The following NRXN3 variants were observed in gnomAD, a reference collection of about 807,000 sequenced individuals.
NRXN3 encodes neurexin III.
In NRXN3, 32 loss-of-function variants were observed where a neutral mutation model predicts 137.6. The observed-to-expected ratio is 0.23, with a 90% CI of 0.18 to 0.31. The LOEUF is 0.31. Ranked by LOEUF, NRXN3 falls within the 10% of genes least tolerant of loss-of-function variation. The pLI is 1.00. For missense variants in NRXN3, 1,574 were observed against 2,062.5 expected (o/e 0.76, Z 4.59); for synonymous variants, 798 against 784.5 (o/e 1.02, Z -0.29).
At chr14:79,383,372 T>C (rs1330863069) in intron 15 of NRXN3, among the ~76,000 whole-genome samples, 1 of 152,176 alleles carries the variant, frequency 6.6e-6, no homozygotes, top group Non-Finnish European at 1.5e-5. Flanking sequence ...CACCCTCTTC[T>C]TTCTCTTGGA....
chr14:79,511,677 C>T (rs1195228739), intron 16 of NRXN3, among the ~76,000 whole-genome samples: 2 of 152,144 alleles, frequency 1.3e-5, no homozygotes, highest in African/African-American at 2.4e-5. Context: ...TAAACCTGCT[C>T]CATCAACCCA....
intron 4 of NRXN3, among the ~76,000 whole-genome samples, chr14:78,360,233 A>G (rs1384644388): frequency 6.6e-6 from 1 of 152,118 alleles, no homozygotes; most frequent in African/African-American, 2.4e-5. Context: ...ACCTTCTTAA[A>G]GATGCAAGTT....
At chr14:79,160,480 A>G (rs1000034883) in intron 15 of NRXN3, among the ~76,000 whole-genome samples, 4 of 151,918 alleles carry the variant, frequency 2.6e-5, no homozygotes, top group Non-Finnish European at 4.4e-5. Flanking sequence ...GAACTACAAC[A>G]CATTCTCTCA....
At position 78,318,137 on chromosome 14, in the gene NRXN3, A is replaced by G. The variant is rs111936971; in HGVS notation, c.757+20277A>G. Among the ~76,000 whole-genome samples the G allele has an allele frequency of 8.2e-3, 1,256 of 152,294 alleles. 17 individuals carry two copies. The highest frequency in any genetic ancestry group is 0.024 in the Middle Eastern group (7 of 294). ...CTGGCTGTGAAATCATCCTATTTCCATGAGAAGGGGATGTCAAAGAGGGAG... is the reference window on the plus strand; with the variant it reads ...CTGGCTGTGAAATCATCCTATTTCCGTGAGAAGGGGATGTCAAAGAGGGAG... On this transcript the variant is annotated intron_variant, in intron 4 of 20. Coordinates refer to ENST00000335750, the MANE Select transcript of NRXN3 (RefSeq NM_001330195.2).
At chr14:78,690,048 C>T (rs1383447182) in intron 6 of NRXN3, among the ~76,000 whole-genome samples, 2 of 152,130 alleles carry the variant, frequency 1.3e-5, no homozygotes, top group East Asian at 1.9e-4. Context: ...AAAACCCAGT[C>T]GTTCCTTAGG....
At chr14:79,719,333 A>G (rs955614609) in intron 19 of NRXN3, among the ~76,000 whole-genome samples, 21 of 125,342 alleles carry the variant, frequency 1.7e-4, no homozygotes, top group Non-Finnish European at 3.3e-4. Flanking sequence ...GTGTGTATAT[A>G]TATGTATATA....
intron 15 of NRXN3, among the ~76,000 whole-genome samples, chr14:79,011,861 T>C (rs1342170881): frequency 6.6e-6 from 1 of 152,180 alleles, no homozygotes; most frequent in African/African-American, 2.4e-5. Flanking sequence ...GTTTTAAACA[T>C]GTTTACATCA....
chr14:79,169,837 C>G (rs1370605474), intron 15 of NRXN3, among the ~76,000 whole-genome samples: 1 of 152,040 alleles, frequency 6.6e-6, no homozygotes, highest in East Asian at 1.9e-4. Context: ...GGAAGACACA[C>G]CAGTGGGAGG....
chr14:79,761,078 T>G (rs2099036746), intron 19 of NRXN3, among the ~76,000 whole-genome samples: 1 of 151,640 alleles, frequency 6.6e-6, no homozygotes, highest in Non-Finnish European at 1.5e-5. Flanking sequence ...CCAAGAGAGA[T>G]CCCGCCCTCT....
intron 15 of NRXN3, among the ~76,000 whole-genome samples, chr14:79,163,656 C>T (rs1367367151): frequency 6.6e-6 from 1 of 151,816 alleles, no homozygotes; most frequent in African/African-American, 2.4e-5. Context: ...ATTTAGTAAG[C>T]AAATGTCCCC....
intron 4 of NRXN3, among the ~76,000 whole-genome samples, chr14:78,471,474 C>A (rs1171097814): frequency 6.6e-6 from 1 of 152,154 alleles, no homozygotes; most frequent in Admixed American, 6.5e-5. Flanking sequence ...CTTGGTCTAA[C>A]CTATTGTGGC....
intron 8 of NRXN3, among the ~76,000 whole-genome samples, chr14:78,803,058 A>C (rs1281408524): frequency 2.6e-5 from 4 of 152,232 alleles, no homozygotes; most frequent in Admixed American, 2.6e-4. Flanking sequence ...CTCTGCCTCT[A>C]TCAGATATTC....
chr14:78,926,864 A>T (rs1469608713), intron 10 of NRXN3, among the ~76,000 whole-genome samples: 256 of 19,198 alleles, frequency 0.013, 16 homozygotes, highest in Middle Eastern at 0.05. Context: ...TATATATAAT[A>T]TATATATAAT....
chr14:78,459,749 T>C (rs1384263030), intron 4 of NRXN3, among the ~76,000 whole-genome samples: 1 of 152,220 alleles, frequency 6.6e-6, no homozygotes, highest in Non-Finnish European at 1.5e-5. Flanking sequence ...TCGTACTATA[T>C]ATTCACAACA....
intron 15 of NRXN3, among the ~76,000 whole-genome samples, chr14:79,253,470 C>T (rs2076198173): frequency 6.6e-6 from 1 of 152,180 alleles, no homozygotes; most frequent in Admixed American, 6.5e-5. Flanking sequence ...TAGGGAGGGA[C>T]ATCCTAGAGG....
intron 10 of NRXN3, among the ~76,000 whole-genome samples, chr14:78,815,090 G>C (rs530579705): frequency 7.2e-5 from 11 of 152,204 alleles, no homozygotes; most frequent in African/African-American, 2.4e-4. Flanking sequence ...TTGTGAGTTT[G>C]TGTATAAGCC....
intron 8 of NRXN3, among the ~76,000 whole-genome samples, chr14:78,764,762 A>T (rs2098703353): frequency 6.6e-6 from 1 of 152,136 alleles, no homozygotes; most frequent in Non-Finnish European, 1.5e-5. Flanking sequence ...TAATGTGAAA[A>T]AGAGACAGTG....
At chr14:78,889,817 G>A (rs556260165) in intron 10 of NRXN3, among the ~76,000 whole-genome samples, 2 of 152,086 alleles carry the variant, frequency 1.3e-5, no homozygotes, top group Non-Finnish European at 2.9e-5. Flanking sequence ...CCTGTGACGT[G>A]ACCTTACTTG....
chr14:78,440,048 G>A (rs1042908398), intron 4 of NRXN3, among the ~76,000 whole-genome samples: 4 of 152,204 alleles, frequency 2.6e-5, no homozygotes, highest in African/African-American at 4.8e-5. Context: ...CCTTGCCTTA[G>A]TATGAGGGGC....
Sources: gnomAD v4.1 joint callset for allele counts (sites outside exome capture counted in the v4.1 genomes callset) on GRCh38, gnomAD v4.1.1 for gene constraint, MANE v1.5 for transcripts, NCBI Gene and HGNC (gene_info 2026-07-23, HGNC 2026-07-21) for gene names.